MAP3K20: variants seen among roughly 807,000 people sequenced by gnomAD.
MAP3K20 encodes HCCS-4.
MAP3K20 carries 40 observed loss-of-function variants against 85.7 expected under a neutral mutation model. The observed-to-expected ratio is 0.47, with a 90% CI of 0.36 to 0.61. The LOEUF is 0.61. Among genes scored for constraint, MAP3K20 ranks in the 20% least tolerant of loss-of-function variants. MAP3K20 has a pLI of 0.00. For missense variants in MAP3K20, 817 were observed against 961.7 expected, an observed-to-expected ratio of 0.85 and a Z score of 1.99; for synonymous variants, 325 against 327.7, an observed-to-expected ratio of 0.99 and a Z score of 0.09.
At chr2:173,227,228 C>T (rs1319156211) in intron 11 of MAP3K20, 7 of 764,120 alleles carry the variant, frequency 9.2e-6, no homozygotes, top group Non-Finnish European at 1.1e-5. Flanking sequence ...CGTTGTCACA[C>T]GCATGCAAAC....
chr2:173,084,173 T>TGCTG (rs1485302521), intron 1 of MAP3K20, among the ~76,000 whole-genome samples: 1 of 152,214 alleles, frequency 6.6e-6, no homozygotes, highest in Non-Finnish European at 1.5e-5. Flanking sequence ...CTTCCCAAAA[T>TGCTG]GCTGGGATTG....
At chr2:173,195,664 C>CCTAT (rs3835825) in intron 7 of MAP3K20, among the ~76,000 whole-genome samples, 25,846 of 151,996 alleles carry the variant, frequency 0.17, 2,446 homozygotes, top group South Asian at 0.33. Flanking sequence ...AAGCTGATGT[C>CCTAT]CTATCTTATA....
intron 2 of MAP3K20, among the ~76,000 whole-genome samples, chr2:173,162,047 C>T (rs1448861406): frequency 6.6e-6 from 1 of 152,108 alleles, no homozygotes; most frequent in Non-Finnish European, 1.5e-5. Context: ...ATAAAAATTA[C>T]ATAGACTTAT....
At chr2:173,081,817 C>T (rs1678072173) in intron 1 of MAP3K20, among the ~76,000 whole-genome samples, 1 of 152,184 alleles carries the variant, frequency 6.6e-6, no homozygotes, top group Non-Finnish European at 1.5e-5. Flanking sequence ...GGGAGACCGT[C>T]TATACTTTAT....
intron 2 of MAP3K20, among the ~76,000 whole-genome samples, chr2:173,106,812 C>T (rs1477521908): frequency 1.3e-5 from 2 of 152,066 alleles, no homozygotes; most frequent in South Asian, 4.1e-4. Flanking sequence ...AGTTCAGGTG[C>T]TGGAGGCAGG....
At chr2:173,094,358 A>G (rs1687396611) in intron 2 of MAP3K20, among the ~76,000 whole-genome samples, 1 of 152,202 alleles carries the variant, frequency 6.6e-6, no homozygotes, top group Non-Finnish European at 1.5e-5. Context: ...TAAATACTTC[A>G]GCATCTCCCA....
At chr2:173,245,749 T>C (rs1684897921) in intron 16 of MAP3K20, among the ~76,000 whole-genome samples, 1 of 152,156 alleles carries the variant, frequency 6.6e-6, no homozygotes, top group Non-Finnish European at 1.5e-5. Flanking sequence ...CTGGCCAACA[T>C]GGTGAAACCC....
chr2:173,213,564 C>A (rs1574119798), intron 10 of MAP3K20, among the ~76,000 whole-genome samples: 1 of 152,318 alleles, frequency 6.6e-6, no homozygotes, highest in African/African-American at 2.4e-5. Flanking sequence ...ATCCCCATAG[C>A]AACCCTAAAT....
At chr2:173,254,673 G>A (rs1363998003) in intron 16 of MAP3K20, among the ~76,000 whole-genome samples, 2 of 152,172 alleles carry the variant, frequency 1.3e-5, no homozygotes, top group African/African-American at 2.4e-5. Context: ...TGTCTGCAGT[G>A]TGTCCAGTCC....
chr2:173,107,841 A>T (rs1321977395), intron 2 of MAP3K20, among the ~76,000 whole-genome samples: 1 of 152,184 alleles, frequency 6.6e-6, no homozygotes, highest in African/African-American at 2.4e-5. Flanking sequence ...CTCAGCTCTC[A>T]GTGCGTGTTA....
intron 1 of MAP3K20, among the ~76,000 whole-genome samples, chr2:173,077,581 A>G (rs1485612483): frequency 1.3e-5 from 2 of 152,182 alleles, no homozygotes; most frequent in Non-Finnish European, 2.9e-5. Context: ...ATCTATCACA[A>G]TTTAATTCCT....
chr2:173,090,259 G>C (rs997230952), intron 1 of MAP3K20, among the ~76,000 whole-genome samples: 4 of 152,162 alleles, frequency 2.6e-5, no homozygotes, highest in African/African-American at 9.7e-5. Flanking sequence ...CTGTAGGAAA[G>C]ATCACTAGAA....
chr2:173,147,707 C>G (rs1018964387), intron 2 of MAP3K20, among the ~76,000 whole-genome samples: 2 of 152,168 alleles, frequency 1.3e-5, no homozygotes, highest in African/African-American at 4.8e-5. Flanking sequence ...CTGCCTCGGC[C>G]TCCTGAGTAG....
chr2:173,229,493 G>A (rs927894803), intron 11 of MAP3K20, among the ~76,000 whole-genome samples, 196 bp from the exon 12 acceptor site: 1 of 152,160 alleles, frequency 6.6e-6, no homozygotes, highest in South Asian at 2.1e-4. Flanking sequence ...TTGTTACTGA[G>A]AGATTGGTGA....
At chr2:173,088,366 C>T (rs1687199151) in intron 1 of MAP3K20, among the ~76,000 whole-genome samples, 1 of 152,116 alleles carries the variant, frequency 6.6e-6, no homozygotes, top group Non-Finnish European at 1.5e-5. Flanking sequence ...GAGGTTTGGG[C>T]AAGTATGCCA....
At chr2:173,194,584 T>G (rs1690764190) in intron 7 of MAP3K20, among the ~76,000 whole-genome samples, 1 of 152,096 alleles carries the variant, frequency 6.6e-6, no homozygotes, top group South Asian at 2.1e-4. Context: ...TAATTCAAAA[T>G]GTGGTTATTT....
intron 2 of MAP3K20, among the ~76,000 whole-genome samples, chr2:173,099,404 C>G (rs1200437678): frequency 6.6e-6 from 1 of 151,110 alleles, no homozygotes; most frequent in African/African-American, 2.4e-5. Flanking sequence ...ACTCTAGCCT[C>G]GAACTCCTGG....
intron 10 of MAP3K20, chr2:173,210,375 C>CCTGT (rs1463418239): frequency 6.5e-6 from 1 of 153,592 alleles, no homozygotes; most frequent in East Asian, 1.9e-4. Context: ...AAATTGAAAT[C>CCTGT]CTGTCTTCTG....
chr2:173,191,445 C>T (rs943976527), intron 7 of MAP3K20, among the ~76,000 whole-genome samples: 10 of 152,246 alleles, frequency 6.6e-5, no homozygotes, highest in African/African-American at 2.4e-4. Flanking sequence ...GTGTTGGGCT[C>T]CGCTTTGCCT....
Sources: gnomAD v4.1 joint callset for allele counts (sites outside exome capture counted in the v4.1 genomes callset) on GRCh38, gnomAD v4.1.1 for gene constraint, MANE v1.5 for transcripts, NCBI Gene and HGNC (gene_info 2026-07-23, HGNC 2026-07-21) for gene names.